Variants in WNK3 observed in about 807,000 individuals in gnomAD.
WNK3 encodes the protein serine/threonine-protein kinase WNK3.
In WNK3, 18 loss-of-function variants were observed where a neutral mutation model predicts 116.7. The ratio of observed to expected loss-of-function variants is 0.15; its 90% confidence interval spans 0.11 to 0.23. The LOEUF (loss-of-function observed/expected upper bound fraction) is 0.23, where lower values mean the gene tolerates loss of function less well. Ranked by LOEUF, WNK3 falls within the 10% of genes least tolerant of loss-of-function variation. The pLI is 1.00. For missense variants in WNK3, 993 were observed against 1,323.8 expected (o/e 0.75, Z 3.88); for synonymous variants, 404 against 469.4 (o/e 0.86, Z 1.80).
intron 2 of WNK3, among the ~76,000 whole-genome samples, chrX:54,322,434 C>T (rs781899660): frequency 4.1e-4 from 46 of 111,721 alleles, no homozygotes; most frequent in Non-Finnish European, 1.1e-4. Context: ...CATCTAATCA[C>T]GAAACTATTC....
exon 24 of WNK3, chrX:54,198,361 A>G (rs1430595412): frequency 8.3e-7 from 1 of 1,206,506 alleles, no homozygotes; most frequent in Admixed American, 2.2e-5. Context: ...AGGATTCTGC[A>G]CTGATGAAGT....
intron 5 of WNK3, among the ~76,000 whole-genome samples, chrX:54,304,978 A>T (rs2068806871): frequency 9.2e-6 from 1 of 108,624 alleles, no homozygotes; most frequent in African/African-American, 3.4e-5. Context: ...CTTTATTAAA[A>T]AAATATATAT....
chrX:54,346,279 CAA>C (rs150788845), intron 1 of WNK3, among the ~76,000 whole-genome samples: 2 of 30,339 alleles, frequency 6.6e-5, no homozygotes, highest in East Asian at 1.1e-3. Flanking sequence ...GCTGATCAGC[CAA>C]AAAAAAAAAA....
At chrX:54,325,507 A>G (rs1208515219) in intron 2 of WNK3, among the ~76,000 whole-genome samples, 1 of 107,782 alleles carries the variant, frequency 9.3e-6, no homozygotes, top group Non-Finnish European at 1.9e-5. Flanking sequence ...GGTGAAACCC[A>G]GTCTCTACTA....
chrX:54,313,438 G>A (rs781993478), intron 2 of WNK3, among the ~76,000 whole-genome samples: 21 of 107,902 alleles, frequency 1.9e-4, no homozygotes, highest in Non-Finnish European at 2.9e-4. Context: ...GGCAACCTCC[G>A]TCTCCCGGGT....
intron 10 of WNK3, among the ~76,000 whole-genome samples, chrX:54,278,468 C>T (rs1312779485): frequency 1.8e-5 from 2 of 109,743 alleles, no homozygotes; most frequent in African/African-American, 6.6e-5. Flanking sequence ...AGCAATCACA[C>T]TACCCAATAT....
chrX:54,278,336 A>G (rs1173433952), intron 10 of WNK3, among the ~76,000 whole-genome samples: 1 of 110,128 alleles, frequency 9.1e-6, no homozygotes, highest in Non-Finnish European at 1.9e-5. Flanking sequence ...TACAATTACT[A>G]TCAAAATCCC....
chrX:54,214,469 T>C, intron 22 of WNK3, among the ~76,000 whole-genome samples: 1 of 111,623 alleles, frequency 9.0e-6, no homozygotes, highest in East Asian at 2.8e-4. Context: ...TAAACTTTCT[T>C]GTATTCAAAA....
In WNK3 at chrX:54,238,966, T is replaced by C; in HGVS notation, c.3785A>G (p.Asn1262Ser). The change falls in exon 18 of 24, where the codon AAT (asparagine) becomes AGT (serine). Residue 1262 changes from asparagine (N) to serine (S), a missense_variant. Physicochemically the swap from Asn to Ser is conservative, Grantham distance 46. This residue lies in a region of WNK3 where 836 missense variants were observed against 976.5 expected (regional missense o/e 0.86). Coordinates refer to ENST00000354646, the Ensembl canonical transcript of WNK3. ...AGTCCAGGATTTCTTGCTAATAGGA[T>C]TTTTGAGACTAGGACAAGTAAAGCT... 1.7e-6 allele frequency: 2 copies of C among 1,210,035 alleles called. No homozygotes were observed. The highest frequency in any genetic ancestry group is 1.1e-6 in the Non-Finnish European group (1 of 894,877).
At chrX:54,219,968 T>C (rs1252811206) in intron 22 of WNK3, among the ~76,000 whole-genome samples, 1 of 112,009 alleles carries the variant, frequency 8.9e-6, no homozygotes, top group Non-Finnish European at 1.9e-5. Context: ...CTAGTCTATA[T>C]ACCAGGGGAG....
chrX:54,232,440 C>T (rs1456675136), intron 21 of WNK3, among the ~76,000 whole-genome samples: 1 of 111,473 alleles, frequency 9.0e-6, no homozygotes, highest in Non-Finnish European at 1.9e-5. Flanking sequence ...CTGCGCCTGG[C>T]CGAGTATAAT....
chrX:54,342,257 G>A (rs1375516126), intron 1 of WNK3, among the ~76,000 whole-genome samples: 1 of 110,453 alleles, frequency 9.1e-6, no homozygotes, highest in African/African-American at 3.3e-5. Context: ...GAGAGATTCT[G>A]CCTATAAAAA....
At chrX:54,298,061 A>G in intron 7 of WNK3, 114 bp downstream of exon 7, 1 of 546,093 alleles carries the variant, frequency 1.8e-6, no homozygotes, top group Non-Finnish European at 3.0e-6. Context: ...TGACAGAGCG[A>G]GACTCTGTCT....
At chrX:54,247,647 C>T (rs1405390911) in intron 17 of WNK3, among the ~76,000 whole-genome samples, 3 of 109,491 alleles carry the variant, frequency 2.7e-5, no homozygotes, top group Admixed American at 9.9e-5. Context: ...TTTACTTGTA[C>T]GTAGTACATA....
chrX:54,345,752 C>CTCCA (rs1444564108), intron 1 of WNK3, among the ~76,000 whole-genome samples: 1 of 104,586 alleles, frequency 9.6e-6, no homozygotes, highest in African/African-American at 3.5e-5. Context: ...CGCCACTGCA[C>CTCCA]TCCAGCCTGG....
chrX:54,229,201 AAC>A (rs1557148443), intron 21 of WNK3, among the ~76,000 whole-genome samples: 2 of 111,157 alleles, frequency 1.8e-5, no homozygotes, highest in East Asian at 5.6e-4. Context: ...AATAAATCGA[AAC>A]ACATATAGAA....
intron 2 of WNK3, among the ~76,000 whole-genome samples, chrX:54,316,125 C>T (rs2068952606): frequency 9.0e-6 from 1 of 111,469 alleles, no homozygotes; most frequent in Admixed American, 9.7e-5. Flanking sequence ...TTTGTGTCCT[C>T]TCTCCTCCGC....
chrX:54,220,716 A>AT (rs782516317), intron 22 of WNK3, among the ~76,000 whole-genome samples: 6 of 111,338 alleles, frequency 5.4e-5, no homozygotes, highest in Non-Finnish European at 1.1e-4. Flanking sequence ...AAGCAAAATA[A>AT]TTTTTTTTCA....
At chrX:54,216,102 C>T (rs1382865357) in intron 22 of WNK3, among the ~76,000 whole-genome samples, 1 of 109,350 alleles carries the variant, frequency 9.1e-6, no homozygotes, top group Non-Finnish European at 1.9e-5. Flanking sequence ...AGAGTCATCA[C>T]CACTCCCTAA....
Sources: allele counts gnomAD v4.1 joint callset (sites outside exome capture counted in the v4.1 genomes callset), GRCh38; gene constraint gnomAD v4.1.1; regional missense constraint gnomAD v4.1.1; transcripts MANE v1.5; gene names NCBI Gene and HGNC (gene_info 2026-07-23, HGNC 2026-07-21).